DNAH17: variants seen among roughly 807,000 people sequenced by gnomAD.
The protein encoded by DNAH17 is dynein axonemal heavy chain 17.
DNAH17 carries 376 observed loss-of-function variants against 485.6 expected under a neutral mutation model. That is an observed-to-expected ratio of 0.77 (90% CI 0.71 to 0.84). The LOEUF is 0.84. Among genes scored for constraint, DNAH17 ranks in the 40% least tolerant of loss-of-function variants. The pLI, the probability that DNAH17 is intolerant of heterozygous loss-of-function variation, is 0.00. For synonymous variants in DNAH17, 3,031 were observed against 2,405.9 expected, an observed-to-expected ratio of 1.26 and a Z score of -7.60; for missense variants, 6,370 against 5,839.3, an observed-to-expected ratio of 1.09 and a Z score of -2.96.
At chr17:78,570,209 A>G (rs1218732912) in intron 7 of DNAH17, 38 bp downstream of exon 7, 1 of 1,547,924 alleles carries the variant, frequency 6.5e-7, no homozygotes, top group Non-Finnish European at 8.7e-7. Context: ...CCCAGCCAGG[A>G]GGGGAGGAAG....
chr17:78,515,690 T>C (rs1376754359), intron 25 of DNAH17, among the ~76,000 whole-genome samples: 1 of 152,210 alleles, frequency 6.6e-6, no homozygotes, highest in Non-Finnish European at 1.5e-5. Context: ...GCATTCCCCT[T>C]GCCTGCCTTG....
chr17:78,449,761 T>C (rs2087467730), intron 68 of DNAH17, 177 bp from the exon 69 acceptor site: 1 of 610,702 alleles, frequency 1.6e-6, no homozygotes, highest in African/African-American at 1.8e-5. Flanking sequence ...CACTGCACCC[T>C]CTGCAGTGAG....
chr17:78,500,347 G>A lies in DNAH17; in HGVS notation c.5598C>T (p.Thr1866=). ...TTKDLGRALG[T]MVYVFNCSEQ... ...CGGAGCAGTTGAAGACGTAGACCAT[G>A]GTGCCCAGGGCTCTGCCCAGGTCCT... Residue 1866 remains threonine (T), a synonymous_variant, in exon 36 of 81, where the codon ACC becomes ACT. Coordinates refer to ENST00000389840, the MANE Select transcript of DNAH17 (RefSeq NM_173628.4). The A allele has an allele frequency of 6.2e-7, 1 of 1,612,798 alleles. No homozygotes were observed. The highest frequency in any genetic ancestry group is 8.5e-7 in the Non-Finnish European group (1 of 1,179,478).
intron 69 of DNAH17, among the ~76,000 whole-genome samples, chr17:78,448,168 G>A (rs547964967): frequency 1.1e-4 from 17 of 150,446 alleles, no homozygotes; most frequent in South Asian, 2.1e-4. Context: ...GGAAAACTCC[G>A]TCTAAAAAAC....
intron 4 of DNAH17, 104 bp downstream of exon 4, chr17:78,571,486 G>C (rs948255050): frequency 6.7e-7 from 1 of 1,497,000 alleles, no homozygotes; most frequent in African/African-American, 1.4e-5. Context: ...CAGGTCATCA[G>C]AGCCCTCAGG....
intron 80 of DNAH17, 73 bp from the exon 81 acceptor site, chr17:78,424,226 G>T: frequency 5.9e-6 from 9 of 1,528,174 alleles, no homozygotes; most frequent in Non-Finnish European, 2.6e-6. Flanking sequence ...GAAGGGTGGG[G>T]TCCTCACACT....
chr17:78,505,533 A>G, intron 30 of DNAH17, 88 bp from the exon 31 acceptor site: 1 of 1,559,562 alleles, frequency 6.4e-7, no homozygotes, highest in Non-Finnish European at 8.8e-7. Flanking sequence ...GGTTTTAGGC[A>G]TCGTTCTTTT....
At chr17:78,556,490 G>T (rs1002801279) in intron 14 of DNAH17, among the ~76,000 whole-genome samples, 2 of 152,210 alleles carry the variant, frequency 1.3e-5, no homozygotes, top group African/African-American at 4.8e-5. Flanking sequence ...AGTTTGTGGT[G>T]ATTTGTTACA....
At chr17:78,484,101 A>G (rs2089476120) in intron 48 of DNAH17, among the ~76,000 whole-genome samples, 1 of 140,414 alleles carries the variant, frequency 7.1e-6, no homozygotes, top group Non-Finnish European at 1.6e-5. Flanking sequence ...TCCTCAAAAA[A>G]AAAAAAAAAA....
intron 71 of DNAH17, 118 bp from the exon 72 acceptor site, chr17:78,441,317 G>T: frequency 8.8e-7 from 1 of 1,134,962 alleles, no homozygotes; most frequent in Non-Finnish European, 1.2e-6. Flanking sequence ...TCTTCAGCGG[G>T]ACAAGGCCTG....
At chr17:78,488,683 T>A (rs1040952470) in intron 44 of DNAH17, among the ~76,000 whole-genome samples, 1 of 152,142 alleles carries the variant, frequency 6.6e-6, no homozygotes, top group Non-Finnish European at 1.5e-5. Context: ...GAATGTGCCC[T>A]GATTTGGAGA....
intron 1 of DNAH17, among the ~76,000 whole-genome samples, chr17:78,577,016 G>A (rs936605520): frequency 3.3e-5 from 5 of 152,206 alleles, no homozygotes; most frequent in Non-Finnish European, 5.9e-5. Flanking sequence ...GGAGGAAGCT[G>A]GGGCTAGGGG....
At position 78,436,844 on chromosome 17, in the gene DNAH17, C is replaced by CCAAACAAA. The variant is rs56360405; in HGVS notation, c.12033+789_12033+796dup. ...TGGGTGACAGAGTGAGACTCCATCT[C>CCAAACAAA]CAAACAAACAAACAAACAAACAAAC... is the stretch of plus-strand genomic sequence containing the variant. On this transcript the variant is annotated intron_variant, in intron 74 of 80. Coordinates refer to ENST00000389840, the MANE Select transcript of DNAH17 (RefSeq NM_173628.4). Among the ~76,000 whole-genome samples the CCAAACAAA allele has an allele frequency of 6.2e-4, 93 of 150,390 alleles. 1 individual carries two copies. Among genetic ancestry groups the CCAAACAAA allele is most frequent in the African/African-American group, 2.2e-3 (88 of 40,778 alleles).
intron 17 of DNAH17, among the ~76,000 whole-genome samples, chr17:78,543,498 G>T (rs1450075621): frequency 6.6e-6 from 1 of 150,778 alleles, no homozygotes; most frequent in Non-Finnish European, 1.5e-5. Flanking sequence ...CACCTTGTTA[G>T]CCAGGATGGT....
At chr17:78,505,485 T>G in intron 30 of DNAH17, 40 bp from the exon 31 acceptor site, 2 of 1,613,254 alleles carry the variant, frequency 1.2e-6, no homozygotes, top group Non-Finnish European at 1.7e-6. Flanking sequence ...CAACGGGGGA[T>G]TTGAAAGGCA....
chr17:78,559,036 T>C (rs1359643067), intron 13 of DNAH17, among the ~76,000 whole-genome samples: 2 of 152,218 alleles, frequency 1.3e-5, no homozygotes, highest in African/African-American at 2.4e-5. Flanking sequence ...ATGTCCATGA[T>C]GGGGAGCCAC....
chr17:78,559,335 C>T (rs1568253843), intron 13 of DNAH17, among the ~76,000 whole-genome samples: 1 of 152,226 alleles, frequency 6.6e-6, no homozygotes, highest in African/African-American at 2.4e-5. Flanking sequence ...GCACAGCAGC[C>T]CATCCTCCCC....
At chr17:78,500,506 C>G in intron 35 of DNAH17, 45 bp from the exon 36 acceptor site, 1 of 1,504,308 alleles carries the variant, frequency 6.6e-7, no homozygotes, top group Non-Finnish European at 8.9e-7. Context: ...GACCCCATGG[C>G]CTCCCTGCTT....
intron 2 of DNAH17, 123 bp downstream of exon 2, chr17:78,574,590 A>G (rs1219669029): frequency 8.4e-6 from 7 of 837,200 alleles, no homozygotes; most frequent in African/African-American, 6.8e-5. Flanking sequence ...TGCATTTCCA[A>G]TCCCTCCCCG....
Sources: gnomAD v4.1 joint callset for allele counts (sites outside exome capture counted in the v4.1 genomes callset) on GRCh38, gnomAD v4.1.1 for gene constraint, MANE v1.5 for transcripts, NCBI Gene and HGNC (gene_info 2026-07-23, HGNC 2026-07-21) for gene names.